Variants in EIF4G3 observed in about 807,000 individuals in gnomAD.
EIF4G3 encodes eIF-4-gamma 3.
EIF4G3 carries 34 observed loss-of-function variants against 186.4 expected under a neutral mutation model. The ratio of observed to expected loss-of-function variants is 0.18; its 90% CI spans 0.14 to 0.24. The LOEUF is 0.24. EIF4G3 is among the 10% of genes least tolerant of loss of function. The pLI is 1.00. For missense variants in EIF4G3, 1,536 were observed against 1,948.5 expected (o/e 0.79, Z 3.99); for synonymous variants, 673 against 679.5 (o/e 0.99, Z 0.15).
chr1:20,991,243 C>T (rs892136759), intron 7 of EIF4G3, among the ~76,000 whole-genome samples: 1 of 152,138 alleles, frequency 6.6e-6, no homozygotes, highest in Non-Finnish European at 1.5e-5. Context: ...AATACAGGAG[C>T]CACAAGCCAT....
rs3051243 is a variant in EIF4G3 at position 20,863,378 on chromosome 1, T to TAAAAAAAAAAAAAAAAA, written c.3007-1063_3007-1047dup. On this transcript the variant is annotated intron_variant, in intron 22 of 36. Transcript: ENST00000602326. ...TGAGACCCATCATCTCTACAAAAAG[T>TAAAAAAAAAAAAAAAAA]AAAAAAAAAAAAAAAAAAAAAAAAT... Among the ~76,000 whole-genome samples, 124 of 102,464 alleles carry TAAAAAAAAAAAAAAAAA rather than the reference T, an allele frequency of 1.2e-3. 2 individuals are homozygous for TAAAAAAAAAAAAAAAAA. Among genetic ancestry groups the TAAAAAAAAAAAAAAAAA allele is most frequent in the African/African-American group, 4.6e-3 (112 of 24,314 alleles). 67.2% of individuals were successfully genotyped at this position (102,464 alleles called of 152,430 possible). A position where few individuals can be genotyped will look rare whatever the true frequency, so the allele number is the denominator to read the frequency against.
At chr1:21,005,490 T>C (rs1472718411) in intron 4 of EIF4G3, among the ~76,000 whole-genome samples, 1 of 152,186 alleles carries the variant, frequency 6.6e-6, no homozygotes, top group Non-Finnish European at 1.5e-5. Flanking sequence ...AGGAACACTT[T>C]GTTCTCTCAT....
Position 21,176,249 on chromosome 1 carries a change from C to CGCTGCT in EIF4G3, c.-347_-346insAGCAGC. 2.7e-6 allele frequency: 1 copy of CGCTGCT among 376,582 alleles called. No homozygotes were observed. Among genetic ancestry groups the CGCTGCT allele is most frequent in the Non-Finnish European group, 4.6e-6 (1 of 217,262 alleles). 23.3% of individuals were successfully genotyped at this position (376,582 alleles called of 1,614,324 possible). On this transcript the variant is annotated 5_prime_UTR_variant, in exon 2 of 37. Coordinates refer to ENST00000602326, the MANE Select transcript of EIF4G3 (RefSeq NM_001391906.1). ...GGACCGCTGCCGCCGCCGCCGCCGC[C>CGCTGCT]GCCGCCGCCGCCGCCGCTGCTGCCG...
chr1:20,860,613 A>G, intron 23 of EIF4G3, 96 bp from the exon 24 acceptor site: 1 of 1,369,882 alleles, frequency 7.3e-7, no homozygotes, highest in Non-Finnish European at 9.9e-7. Flanking sequence ...AGTACAAAAT[A>G]CCTACAAAAG....
chr1:20,874,236 T>G (rs1176236934), intron 20 of EIF4G3, among the ~76,000 whole-genome samples: 1 of 152,180 alleles, frequency 6.6e-6, no homozygotes, highest in Admixed American at 6.5e-5. Context: ...AAATGGTACT[T>G]CTGGTTCTAG....
intron 3 of EIF4G3, among the ~76,000 whole-genome samples, chr1:21,071,693 C>G (rs2095444409): frequency 6.6e-6 from 1 of 151,918 alleles, no homozygotes; most frequent in Non-Finnish European, 1.5e-5. Flanking sequence ...GTAATCCCAG[C>G]TACTCAGGAG....
chr1:21,169,457 AT>A (rs2097916663), intron 2 of EIF4G3, among the ~76,000 whole-genome samples: 1 of 152,194 alleles, frequency 6.6e-6, no homozygotes, highest in Admixed American at 6.5e-5. Flanking sequence ...CCCCAAAAAA[AT>A]AAATAAATAA....
At chr1:21,115,757 G>A (rs760428962) in intron 2 of EIF4G3, among the ~76,000 whole-genome samples, 5 of 152,086 alleles carry the variant, frequency 3.3e-5, no homozygotes, top group Non-Finnish European at 7.4e-5. Flanking sequence ...TCACTTTGTT[G>A]CCCAGGCAGG....
At chr1:20,867,590 C>A (rs1294545112) in intron 20 of EIF4G3, among the ~76,000 whole-genome samples, 1 of 152,120 alleles carries the variant, frequency 6.6e-6, no homozygotes, top group Non-Finnish European at 1.5e-5. Flanking sequence ...TAAGGAAAAG[C>A]AAATAGTGGC....
At chr1:21,147,723 A>G (rs1299779048) in intron 2 of EIF4G3, among the ~76,000 whole-genome samples, 1 of 152,224 alleles carries the variant, frequency 6.6e-6, no homozygotes, top group Non-Finnish European at 1.5e-5. Flanking sequence ...TAAACCTAGT[A>G]AACAAGGGAG....
At chr1:20,925,528 C>A (rs1482906396) in intron 14 of EIF4G3, among the ~76,000 whole-genome samples, 1 of 152,170 alleles carries the variant, frequency 6.6e-6, no homozygotes, top group East Asian at 1.9e-4. Flanking sequence ...ATAATGACTT[C>A]TATTTTTATT....
chr1:20,841,049 G>C (rs367697798), intron 29 of EIF4G3, 21 bp from the exon 30 acceptor site: 37 of 1,610,632 alleles, frequency 2.3e-5, no homozygotes, highest in Non-Finnish European at 3.1e-5. Context: ...AGCAAAGAAA[G>C]GTTTACTCCA....
At position 20,942,266 on chromosome 1, in the gene EIF4G3, A is replaced by G. The variant is rs1464217927; in HGVS notation, c.888T>C (p.Ser296=). Residue 296 remains serine, a synonymous_variant, in exon 14 of 37, where the codon AGT becomes AGC. Coordinates refer to ENST00000602326, the MANE Select transcript of EIF4G3 (RefSeq NM_001391906.1). The part of the protein sequence containing the change: ...SPSPVLRLVL[S]GEKKEQEGQT... Reference sequence around the variant, plus strand: ...GGCCTTCTTGTTCTTTCTTCTCTCCACTGAGGACTAGCCTAAGGACTGGGG... The same window carrying G: ...GGCCTTCTTGTTCTTTCTTCTCTCCGCTGAGGACTAGCCTAAGGACTGGGG... 1 of 1,613,662 alleles carries G rather than the reference A, an allele frequency of 6.2e-7. No individual in the cohort carries two copies. The highest frequency in any genetic ancestry group is 8.5e-7 in the Non-Finnish European group (1 of 1,179,722).
Position 21,138,005 on chromosome 1 carries a change from A to G in EIF4G3, c.-272+38170T>C, listed in dbSNP as rs531256538. On this transcript the variant is annotated intron_variant, in intron 2 of 36. Coordinates refer to ENST00000602326, the MANE Select transcript of EIF4G3 (RefSeq NM_001391906.1). ...TGTGACAATGACACTCATTAACCCA[A>G]CAAATTAAAACCACAACTCTACTTT... 2.0e-5 allele frequency among the ~76,000 whole-genome samples: 3 copies of G among 152,300 alleles called. No homozygotes were observed. In the South Asian group the frequency reaches 6.2e-4, roughly 32 times the overall value.
intron 2 of EIF4G3, among the ~76,000 whole-genome samples, chr1:21,162,638 T>C (rs750211217): frequency 2.0e-5 from 3 of 151,682 alleles, no homozygotes; most frequent in Non-Finnish European, 4.4e-5. Flanking sequence ...AGCTACTCTG[T>C]AGGCTGAGGA....
At chr1:20,954,514 G>A (rs574418046) in intron 12 of EIF4G3, among the ~76,000 whole-genome samples, 1 of 121,306 alleles carries the variant, frequency 8.2e-6, no homozygotes, top group Non-Finnish European at 1.6e-5. Context: ...CCAGCCTGGC[G>A]AGAGAGTCAG....
intron 12 of EIF4G3, among the ~76,000 whole-genome samples, chr1:20,959,917 T>A (rs1406381494): frequency 6.6e-6 from 1 of 152,080 alleles, no homozygotes; most frequent in Non-Finnish European, 1.5e-5. Context: ...AAGGGAATGC[T>A]TATATGCTGC....
chr1:21,025,284 T>C (rs921722785), intron 4 of EIF4G3, among the ~76,000 whole-genome samples: 1 of 152,118 alleles, frequency 6.6e-6, no homozygotes, highest in Non-Finnish European at 1.5e-5. Context: ...CTAGGAGATG[T>C]TGAACAGGGC....
intron 3 of EIF4G3, among the ~76,000 whole-genome samples, chr1:21,060,089 C>T (rs1327078859): frequency 6.6e-6 from 1 of 152,182 alleles, no homozygotes; most frequent in Non-Finnish European, 1.5e-5. Flanking sequence ...GTAGCTGGGA[C>T]TACAGGCATG....
Sources: allele counts gnomAD v4.1 joint callset (sites outside exome capture counted in the v4.1 genomes callset), GRCh38; gene constraint gnomAD v4.1.1; transcripts MANE v1.5; gene names NCBI Gene and HGNC (gene_info 2026-07-23, HGNC 2026-07-21).